The following TGFBR1 variants were observed in gnomAD, a reference collection of about 807,000 sequenced individuals.
TGFBR1 encodes the protein TGF-beta receptor type-1.
In TGFBR1, 20 loss-of-function variants were observed where a neutral mutation model predicts 55.1. The ratio of observed to expected loss-of-function variants is 0.36; its 90% CI spans 0.26 to 0.53. TGFBR1 has a LOEUF of 0.53. TGFBR1 is among the 20% of genes least tolerant of loss of function. TGFBR1 has a pLI of 0.91. For missense variants in TGFBR1, 385 were observed against 617.6 expected (o/e 0.62, Z 3.99); for synonymous variants, 220 against 214.8 (o/e 1.02, Z -0.21).
intron 4 of TGFBR1, among the ~76,000 whole-genome samples, chr9:99,141,934 T>C (rs548823598): frequency 1.3e-5 from 2 of 152,362 alleles, no homozygotes; most frequent in East Asian, 3.9e-4. Flanking sequence ...AGCTTCCCCA[T>C]GTGTTAGAGG....
chr9:99,108,268 T>C (rs1482927112), intron 1 of TGFBR1, among the ~76,000 whole-genome samples: 2 of 143,372 alleles, frequency 1.4e-5, no homozygotes, highest in African/African-American at 2.6e-5. Context: ...CCAGCAGTTA[T>C]GCAGAAAATG....
intron 1 of TGFBR1, among the ~76,000 whole-genome samples, chr9:99,123,966 T>C (rs1826965694): frequency 6.6e-6 from 1 of 152,220 alleles, no homozygotes; most frequent in South Asian, 2.1e-4. Context: ...AGAGAGGTAT[T>C]ATGTTTATTT....
intron 4 of TGFBR1, among the ~76,000 whole-genome samples, chr9:99,139,889 A>G (rs886099277): frequency 6.6e-5 from 10 of 152,322 alleles, no homozygotes; most frequent in East Asian, 5.8e-4. Flanking sequence ...TGAAGGGCCT[A>G]TCACATTCTG....
chr9:99,148,085 AGACAGTTACCG>A (rs1471793401), intron 8 of TGFBR1, among the ~76,000 whole-genome samples: 1 of 152,186 alleles, frequency 6.6e-6, no homozygotes, highest in East Asian at 1.9e-4. Context: ...CCAGAACACT[AGACAGTTACCG>A]GACATGAATG....
chr9:99,132,956 A>G (rs900596911), intron 3 of TGFBR1, among the ~76,000 whole-genome samples: 31 of 152,346 alleles, frequency 2.0e-4, no homozygotes, highest in Non-Finnish European at 4.4e-4. Flanking sequence ...AAGCGAATCA[A>G]TAAGTCAGCT....
intron 4 of TGFBR1, among the ~76,000 whole-genome samples, chr9:99,141,588 G>T (rs1827617224): frequency 6.6e-6 from 1 of 152,176 alleles, no homozygotes; most frequent in Admixed American, 6.5e-5. Context: ...CAGGCTCCTT[G>T]TCAGTAACAG....
At chr9:99,106,998 T>C (rs946081238) in intron 1 of TGFBR1, among the ~76,000 whole-genome samples, 2 of 152,238 alleles carry the variant, frequency 1.3e-5, no homozygotes, top group African/African-American at 4.8e-5. Flanking sequence ...TCCACACCGC[T>C]ATTAACTTGA....
chr9:99,135,696 G>A (rs1827416308), intron 3 of TGFBR1, among the ~76,000 whole-genome samples: 1 of 152,126 alleles, frequency 6.6e-6, no homozygotes, highest in Non-Finnish European at 1.5e-5. Context: ...TGTTGTTCGG[G>A]TCTTATTTCC....
chr9:99,143,972 T>A (rs866894473), intron 5 of TGFBR1, among the ~76,000 whole-genome samples: 6 of 152,242 alleles, frequency 3.9e-5, no homozygotes, highest in South Asian at 4.1e-4. Context: ...GTAGCACGTA[T>A]GAGTACTTCA....
chr9:99,107,283 T>G (rs1353280841), intron 1 of TGFBR1, among the ~76,000 whole-genome samples: 2 of 152,228 alleles, frequency 1.3e-5, no homozygotes, highest in African/African-American at 2.4e-5. Context: ...GCTTTTTATT[T>G]CCTCTGTAAC....
chr9:99,115,816 TATAATTATTTTATCAAA>T (rs1826718297), intron 1 of TGFBR1, among the ~76,000 whole-genome samples: 1 of 152,134 alleles, frequency 6.6e-6, no homozygotes. Flanking sequence ...AATAATTATA[TATAATTATTTTATCAAA>T]ATAAACAAGT....
At chr9:99,115,543 A>T (rs944305651) in intron 1 of TGFBR1, among the ~76,000 whole-genome samples, 8 of 152,244 alleles carry the variant, frequency 5.3e-5, no homozygotes, top group Admixed American at 5.2e-4. Context: ...ACTTGAAAAG[A>T]CATACAGAGA....
intron 1 of TGFBR1, among the ~76,000 whole-genome samples, chr9:99,117,543 A>G (rs191111259): frequency 1.2e-3 from 186 of 152,276 alleles, no homozygotes; most frequent in African/African-American, 4.1e-3. Flanking sequence ...TTATTATGGT[A>G]TGAGATTTTT....
At chr9:99,108,337 A>G (rs1826473560) in intron 1 of TGFBR1, among the ~76,000 whole-genome samples, 1 of 152,190 alleles carries the variant, frequency 6.6e-6, no homozygotes, top group Admixed American at 6.5e-5. Context: ...AGAAAGTGGT[A>G]TTTGAGTTTG....
In TGFBR1 at chr9:99,133,057, C is replaced by T. The variant is rs1410572897; in HGVS notation, c.574+318C>T. Reference sequence around the variant, plus strand: ...GGTAGAAAGGATAAGAACAATTATTCTCATATAGATGAAGCTGAAGGTCAA... The same window carrying T: ...GGTAGAAAGGATAAGAACAATTATTTTCATATAGATGAAGCTGAAGGTCAA... On this transcript the variant is annotated intron_variant, in intron 3 of 8. Transcript: ENST00000374994. Among the ~76,000 whole-genome samples the T allele has an allele frequency of 2.6e-5, 4 of 152,178 alleles. No homozygotes were observed. In the East Asian group the frequency reaches 5.8e-4, roughly 22 times the overall value.
At chr9:99,148,033 G>C (rs1010322484) in intron 8 of TGFBR1, among the ~76,000 whole-genome samples, 1 of 152,136 alleles carries the variant, frequency 6.6e-6, no homozygotes, top group African/African-American at 2.4e-5. Flanking sequence ...GCGAACTAAG[G>C]CACATATTTT....
Position 99,147,790 on chromosome 9 carries a change from T to C in TGFBR1, c.1386+6T>C, listed in dbSNP as rs1375191528. On this transcript the variant is annotated splice_donor_region_variant and intron_variant, in intron 8 of 8. Transcript: ENST00000374994. ...ACAGATGGCAGAGCTGTGAAGTGAGTATTTCTTTTTGATATTAGGCAATTT... is the reference window on the plus strand; with the variant it reads ...ACAGATGGCAGAGCTGTGAAGTGAGCATTTCTTTTTGATATTAGGCAATTT... The C allele has an allele frequency of 2.5e-6, 4 of 1,613,532 alleles. No individual in the cohort carries two copies. Among genetic ancestry groups the C allele is most frequent in the Non-Finnish European group, 3.4e-6 (4 of 1,179,724 alleles).
chr9:99,115,941 A>G (rs1033588911), intron 1 of TGFBR1, among the ~76,000 whole-genome samples: 6 of 152,196 alleles, frequency 3.9e-5, no homozygotes, highest in Non-Finnish European at 5.9e-5. Flanking sequence ...AGGAAAGACA[A>G]TTTCTGATTG....
chr9:99,134,802 T>TTTTATATATATATATATA lies in TGFBR1; in HGVS notation c.574+2064_574+2065insTTATATATATATATATAT, dbSNP rs1554700023. The stretch of plus-strand genomic sequence containing the variant: ...AAACAATGGAATAATTCTGTTTCCA[T>TTTTATATATATATATATA]TATATATATATATATATATATATAT... On this transcript the variant is annotated intron_variant, in intron 3 of 8. Transcript: ENST00000374994. 1.4e-3 allele frequency among the ~76,000 whole-genome samples: 56 copies of TTTTATATATATATATATA among 41,366 alleles called. 7 individuals are homozygous for TTTTATATATATATATATA. Among genetic ancestry groups the TTTTATATATATATATATA allele is most frequent in the Non-Finnish European group, 1.6e-3 (38 of 23,698 alleles). 27.1% of individuals were successfully genotyped at this position (41,366 alleles called of 152,430 possible).
Sources: gnomAD v4.1 joint callset for allele counts (sites outside exome capture counted in the v4.1 genomes callset) on GRCh38, gnomAD v4.1.1 for gene constraint, MANE v1.5 for transcripts, NCBI Gene and HGNC (gene_info 2026-07-23, HGNC 2026-07-21) for gene names.